The following DACH2 variants were observed in gnomAD, a reference collection of about 807,000 sequenced individuals.
The protein encoded by DACH2 is dachshund homolog 2.
Under a neutral mutation model 35.8 loss-of-function variants are expected in DACH2, and 17 were observed. The observed-to-expected ratio is 0.48, with a 90% CI of 0.33 to 0.71. The LOEUF is 0.71. Ranked by LOEUF, DACH2 falls within the 30% of genes least tolerant of loss-of-function variation. DACH2 has a pLI of 0.02. For missense variants in DACH2, 469 were observed against 472.7 expected, an observed-to-expected ratio of 0.99 and a Z score of 0.07; for synonymous variants, 195 against 177.3, an observed-to-expected ratio of 1.10 and a Z score of -0.79.
intron 6 of DACH2, among the ~76,000 whole-genome samples, chrX:86,725,682 T>C (rs1304202233): frequency 9.0e-6 from 1 of 110,933 alleles, no homozygotes; most frequent in East Asian, 2.9e-4. Flanking sequence ...GGGCCATGCA[T>C]TTGGGCAGGT....
At chrX:86,571,834 A>G (rs1192628607) in intron 3 of DACH2, among the ~76,000 whole-genome samples, 1 of 111,013 alleles carries the variant, frequency 9.0e-6, no homozygotes, top group African/African-American at 3.3e-5. Context: ...AAATAGATCA[A>G]TTTGGGGAAC....
At chrX:86,696,500 G>T (rs2041069263) in intron 5 of DACH2, among the ~76,000 whole-genome samples, 1 of 111,893 alleles carries the variant, frequency 8.9e-6, no homozygotes, top group African/African-American at 3.2e-5. Flanking sequence ...TTGGCCTCTA[G>T]TCTGACATGT....
chrX:86,406,815 T>C lies in DACH2; in HGVS notation c.527+29953T>C, dbSNP rs766793069. Reference sequence around the variant, plus strand: ...TTTCTGCTGAGAGTGCACCTCCTCATATATGTCTTCTGGTCCAGGATCTAA... The same window carrying C: ...TTTCTGCTGAGAGTGCACCTCCTCACATATGTCTTCTGGTCCAGGATCTAA... On this transcript the variant is annotated intron_variant, in intron 2 of 11. Transcript: ENST00000373125. Among the ~76,000 whole-genome samples the C allele has an allele frequency of 2.2e-4, 25 of 112,220 alleles. No homozygotes were observed. The South Asian group carries it at 8.1e-3, about 36-fold the overall frequency.
intron 1 of DACH2, among the ~76,000 whole-genome samples, chrX:86,289,128 T>G (rs2034215224): frequency 9.2e-6 from 1 of 109,178 alleles, no homozygotes; most frequent in South Asian, 4.1e-4. Flanking sequence ...GGTCATTCCC[T>G]TCAAGGCAGA....
In DACH2 at chrX:86,266,099, A is replaced by T. The variant is rs1163618764; in HGVS notation, c.489-110725A>T. ...TAGAACTTGAATTTAGAGAAAAAAC[A>T]GTGGTTTTCAACCTTTATCATGCCT... On this transcript the variant is annotated intron_variant, in intron 1 of 11. Coordinates refer to ENST00000373125, the MANE Select transcript of DACH2 (RefSeq NM_053281.3). Among the ~76,000 whole-genome samples the T allele has an allele frequency of 2.7e-5, 3 of 111,424 alleles. No individual in the cohort carries two copies. In the East Asian group the frequency reaches 8.5e-4, roughly 32 times the overall value.
Position 86,699,587 on chromosome X carries a change from C to A in DACH2, c.931+4408C>A, listed in dbSNP as rs188664774. On this transcript the variant is annotated intron_variant, in intron 5 of 11. Transcript: ENST00000373125. ...CAATTATCTCCCACTGGGTCCCTCC[C>A]AAAACATATGGGAATTATGGGAATA... 2.7e-4 allele frequency among the ~76,000 whole-genome samples: 30 copies of A among 111,386 alleles called. 1 individual carries two copies. The East Asian group carries it at 7.7e-3, about 29-fold the overall frequency.
At chrX:86,391,279 T>C (rs2036197071) in intron 2 of DACH2, among the ~76,000 whole-genome samples, 1 of 52,312 alleles carries the variant, frequency 1.9e-5, no homozygotes, top group African/African-American at 8.7e-5. Context: ...TGAGGCTCTG[T>C]CTTAAAAAAA....
chrX:86,651,188 C>T (rs2040474490), intron 4 of DACH2, 21 bp downstream of exon 4: 3 of 1,196,695 alleles, frequency 2.5e-6, no homozygotes, highest in Non-Finnish European at 1.1e-6. Context: ...TCCAGAATCC[C>T]AGACCAATGA....
chrX:86,441,629 T>C (rs1468594037), intron 2 of DACH2, among the ~76,000 whole-genome samples: 3 of 109,608 alleles, frequency 2.7e-5, no homozygotes, highest in African/African-American at 9.9e-5. Flanking sequence ...ACCTCTTTGA[T>C]ATACTGATTT....
At chrX:86,287,886 C>G (rs2034186162) in intron 1 of DACH2, among the ~76,000 whole-genome samples, 1 of 111,687 alleles carries the variant, frequency 9.0e-6, no homozygotes. Context: ...GTTTTTGTAC[C>G]TGGTGCCTTA....
At chrX:86,700,532 GT>G (rs1326045518) in intron 5 of DACH2, among the ~76,000 whole-genome samples, 1 of 29,090 alleles carries the variant, frequency 3.4e-5, no homozygotes, top group Non-Finnish European at 5.7e-5. Flanking sequence ...TCTAACCCCA[GT>G]TAAAAAAAAA....
intron 3 of DACH2, among the ~76,000 whole-genome samples, chrX:86,610,371 TTCTTTC>T (rs2039918499): frequency 1.8e-5 from 1 of 54,178 alleles, no homozygotes; most frequent in South Asian, 1.3e-3. Flanking sequence ...TCCTCTTTCT[TTCTTTC>T]TTTCTTTCTT....
intron 2 of DACH2, among the ~76,000 whole-genome samples, chrX:86,507,463 C>CAA (rs34617943): frequency 2.1e-5 from 1 of 47,628 alleles, no homozygotes; most frequent in East Asian, 8.2e-4. Context: ...AGTGACCTTT[C>CAA]AAAAAAAAAA....
intron 3 of DACH2, among the ~76,000 whole-genome samples, chrX:86,570,827 T>C (rs1300926586): frequency 9.0e-6 from 1 of 111,558 alleles, no homozygotes; most frequent in Non-Finnish European, 1.9e-5. Flanking sequence ...AAGATTTCTT[T>C]ATATAGTTTG....
At chrX:86,536,381 G>T (rs892131839) in intron 3 of DACH2, among the ~76,000 whole-genome samples, 2 of 111,278 alleles carry the variant, frequency 1.8e-5, no homozygotes, top group Admixed American at 1.9e-4. Flanking sequence ...TATTTCTTTG[G>T]CATATTTTGA....
chrX:86,240,678 G>A (rs1442755754), intron 1 of DACH2, among the ~76,000 whole-genome samples: 1 of 109,373 alleles, frequency 9.1e-6, no homozygotes, highest in Non-Finnish European at 1.9e-5. Context: ...GATATGGTTT[G>A]GCTCTGTGTC....
At chrX:86,695,687 A>C (rs2041060648) in intron 5 of DACH2, among the ~76,000 whole-genome samples, 1 of 109,220 alleles carries the variant, frequency 9.2e-6, no homozygotes. Context: ...ATTTTTTTGT[A>C]TTTTTAATAA....
At chrX:86,800,861 G>T (rs2042286469) in intron 7 of DACH2, among the ~76,000 whole-genome samples, 1 of 110,336 alleles carries the variant, frequency 9.1e-6, no homozygotes, top group Non-Finnish European at 1.9e-5. Flanking sequence ...GTAGAAATGG[G>T]GTTTCGCCAT....
chrX:86,677,890 T>C (rs187959266), intron 4 of DACH2, among the ~76,000 whole-genome samples: 1,703 of 111,985 alleles, frequency 0.015, 22 homozygotes, highest in Non-Finnish European at 0.026. Flanking sequence ...ATCAATAGTC[T>C]CTGTTGCATC....
Sources: gnomAD v4.1 joint callset for allele counts (sites outside exome capture counted in the v4.1 genomes callset) on GRCh38, gnomAD v4.1.1 for gene constraint, MANE v1.5 for transcripts, NCBI Gene and HGNC (gene_info 2026-07-23, HGNC 2026-07-21) for gene names.